The following NTNG1 variants were observed in gnomAD, a reference collection of about 807,000 sequenced individuals.
The protein encoded by NTNG1 is netrin-G1.
Under a neutral mutation model 54.0 loss-of-function variants are expected in NTNG1, and 16 were observed. That is an observed-to-expected ratio of 0.30 (90% CI 0.20 to 0.45). The LOEUF (loss-of-function observed/expected upper bound fraction) is 0.45. NTNG1 is among the 20% of genes least tolerant of loss of function. The probability of loss-of-function intolerance (pLI) is 1.00; values close to 1 mark genes in which losing one functional copy is unlikely to be tolerated. For missense variants in NTNG1, 530 were observed against 678.7 expected (o/e 0.78, Z 2.43); for synonymous variants, 255 against 263.1 (o/e 0.97, Z 0.30).
At chr1:107,352,885 G>A (rs553816666) in intron 3 of NTNG1, among the ~76,000 whole-genome samples, 54 of 152,310 alleles carry the variant, frequency 3.5e-4, no homozygotes, top group African/African-American at 1.2e-3. Flanking sequence ...CTAGCTGTAG[G>A]TGGGCCCCTT....
Position 107,484,853 on chromosome 1 carries a change from G to A in NTNG1, c.*4013G>A, listed in dbSNP as rs1298732666. 6.6e-6 allele frequency among the ~76,000 whole-genome samples: 1 copy of A among 152,198 alleles called. No homozygotes were observed. Among genetic ancestry groups the A allele is most frequent in the Non-Finnish European group, 1.5e-5 (1 of 68,024 alleles). On this transcript the variant is annotated 3_prime_UTR_variant, in exon 8 of 8. Transcript: ENST00000370068. Reference sequence around the variant, plus strand: ...TGTACTATATGGGAAATGGGTTGTTGTACTTTACCGGTTGTTAAACACTAA... The same window carrying A: ...TGTACTATATGGGAAATGGGTTGTTATACTTTACCGGTTGTTAAACACTAA...
At chr1:107,203,781 C>T (rs1658949266) in intron 2 of NTNG1, among the ~76,000 whole-genome samples, 1 of 151,554 alleles carries the variant, frequency 6.6e-6, no homozygotes, top group East Asian at 1.9e-4. Flanking sequence ...TTTAAGTATA[C>T]TTGAGAGTCT....
At chr1:107,364,682 A>G (rs1670490317) in intron 3 of NTNG1, among the ~76,000 whole-genome samples, 1 of 152,136 alleles carries the variant, frequency 6.6e-6, no homozygotes, top group South Asian at 2.1e-4. Flanking sequence ...TCCTCCTAAC[A>G]TGTATTGAGC....
intron 2 of NTNG1, among the ~76,000 whole-genome samples, chr1:107,276,707 C>T (rs924897120): frequency 1.3e-5 from 2 of 152,058 alleles, no homozygotes; most frequent in Admixed American, 1.3e-4. Context: ...CTCTACCTGA[C>T]ACACAGTAAG....
At position 107,224,851 on chromosome 1, in the gene NTNG1, T is replaced by C. The variant is rs146870831; in HGVS notation, c.246+76012T>C. Among the ~76,000 whole-genome samples the C allele has an allele frequency of 8.1e-3, 1,236 of 152,274 alleles. 16 individuals are homozygous for C. Among genetic ancestry groups the C allele is most frequent in the African/African-American group, 0.028 (1,165 of 41,562 alleles). ...TCTGTAGCTGTTAGAAATATGGATA[T>C]TGGTGTCAGACAGAATCTGGTCTGA... On this transcript the variant is annotated intron_variant, in intron 2 of 7. Transcript: ENST00000370068.
intron 3 of NTNG1, among the ~76,000 whole-genome samples, chr1:107,349,014 T>A (rs1669433570): frequency 6.6e-6 from 1 of 152,170 alleles, no homozygotes; most frequent in Admixed American, 6.5e-5. Context: ...TCTAGTGCCC[T>A]CCATAGTGAG....
chr1:107,455,333 G>A (rs1419392151), intron 7 of NTNG1, among the ~76,000 whole-genome samples: 5 of 152,200 alleles, frequency 3.3e-5, no homozygotes, highest in Non-Finnish European at 7.3e-5. Context: ...CAAAGTGCTG[G>A]GATTACAGGC....
At chr1:107,326,687 A>T (rs1474158126) in intron 3 of NTNG1, among the ~76,000 whole-genome samples, 5 of 152,062 alleles carry the variant, frequency 3.3e-5, no homozygotes, top group Non-Finnish European at 5.9e-5. Context: ...CTTGCAGTTT[A>T]AAAAATACTT....
chr1:107,293,419 T>C (rs1420077942), intron 2 of NTNG1, among the ~76,000 whole-genome samples: 1 of 152,200 alleles, frequency 6.6e-6, no homozygotes, highest in African/African-American at 2.4e-5. Context: ...AAGGCACCCA[T>C]TGCAACATTA....
intron 3 of NTNG1, 144 bp downstream of exon 3, chr1:107,325,066 G>C (rs1667872677): frequency 5.1e-6 from 4 of 784,704 alleles, no homozygotes; most frequent in East Asian, 5.1e-5. Flanking sequence ...GGTTCTGAAG[G>C]CATTCTGAGA....
chr1:107,350,461 A>G (rs1370062985), intron 3 of NTNG1, among the ~76,000 whole-genome samples: 2 of 152,180 alleles, frequency 1.3e-5, no homozygotes, highest in African/African-American at 2.4e-5. Context: ...TTATTCAACT[A>G]CCATATGATC....
intron 2 of NTNG1, among the ~76,000 whole-genome samples, chr1:107,273,524 A>G (rs1245042890): frequency 6.6e-6 from 1 of 152,188 alleles, no homozygotes; most frequent in Admixed American, 6.5e-5. Context: ...TAGAAGGAAC[A>G]GGGATCTGAA....
At chr1:107,379,153 A>G (rs186007771) in intron 3 of NTNG1, among the ~76,000 whole-genome samples, 4 of 152,230 alleles carry the variant, frequency 2.6e-5, no homozygotes, top group African/African-American at 7.2e-5. Context: ...AGGAGAGGCA[A>G]TTTCCATTTG....
At chr1:107,207,113 A>T (rs914202656) in intron 2 of NTNG1, among the ~76,000 whole-genome samples, 6 of 152,086 alleles carry the variant, frequency 3.9e-5, no homozygotes, top group African/African-American at 1.4e-4. Context: ...TTGGTTCCTA[A>T]TTTCTCAGCT....
At chr1:107,244,365 T>C (rs1476150891) in intron 2 of NTNG1, among the ~76,000 whole-genome samples, 1 of 152,194 alleles carries the variant, frequency 6.6e-6, no homozygotes, top group Non-Finnish European at 1.5e-5. Flanking sequence ...CAATTTTGTT[T>C]CCCCTCCAAA....
intron 3 of NTNG1, among the ~76,000 whole-genome samples, chr1:107,363,938 T>C (rs1279418587): frequency 6.6e-6 from 1 of 152,172 alleles, no homozygotes; most frequent in East Asian, 1.9e-4. Flanking sequence ...AGGTAACATT[T>C]GGGGGAAAAA....
intron 2 of NTNG1, among the ~76,000 whole-genome samples, chr1:107,229,075 T>C (rs764650602): frequency 1.3e-5 from 2 of 152,032 alleles, no homozygotes; most frequent in Non-Finnish European, 2.9e-5. Flanking sequence ...CAAAGATGTG[T>C]AGCTGCATGC....
chr1:107,239,777 G>A (rs1216385856), intron 2 of NTNG1, among the ~76,000 whole-genome samples: 1 of 152,022 alleles, frequency 6.6e-6, no homozygotes, highest in African/African-American at 2.4e-5. Flanking sequence ...AATAGCTTGG[G>A]ACAGGTGGTT....
At chr1:107,429,350 AT>A (rs1400977456) in intron 5 of NTNG1, among the ~76,000 whole-genome samples, 3 of 152,080 alleles carry the variant, frequency 2.0e-5, no homozygotes, top group African/African-American at 7.2e-5. Context: ...TAGCATATTA[AT>A]TTTTTTAAAA....
Sources: allele counts gnomAD v4.1 joint callset (sites outside exome capture counted in the v4.1 genomes callset), GRCh38; gene constraint gnomAD v4.1.1; transcripts MANE v1.5; gene names NCBI Gene and HGNC (gene_info 2026-07-23, HGNC 2026-07-21).